ABCB1: variants seen among roughly 807,000 people sequenced by gnomAD.
The protein encoded by ABCB1 is ATP-dependent translocase ABCB1.
In ABCB1, 69 loss-of-function variants were observed where a neutral mutation model predicts 142.0. The observed-to-expected ratio is 0.49, with a 90% confidence interval of 0.40 to 0.59. ABCB1 has a LOEUF of 0.59. ABCB1 is among the 20% of genes least tolerant of loss of function. The probability of loss-of-function intolerance (pLI) is 0.00; values close to 1 mark genes in which losing one functional copy is unlikely to be tolerated. For synonymous variants in ABCB1, 532 were observed against 539.2 expected, an observed-to-expected ratio of 0.99 and a Z score of 0.18; for missense variants, 1,326 against 1,554.7, an observed-to-expected ratio of 0.85 and a Z score of 2.47.
intron 9 of ABCB1, among the ~76,000 whole-genome samples, chr7:87,551,577 A>C (rs190302160): frequency 6.6e-6 from 1 of 152,252 alleles, no homozygotes; most frequent in Admixed American, 6.5e-5. Context: ...CTGCAACTTC[A>C]ACCTCTGGGT....
rs1451637739 is a variant in ABCB1, at chr7:87,584,536, G to A, written c.286+976C>T. 3.9e-5 allele frequency among the ~76,000 whole-genome samples: 6 copies of A among 152,148 alleles called. No homozygotes were observed. The East Asian group carries it at 5.8e-4, about 15-fold the overall frequency. On this transcript the variant is annotated intron_variant, in intron 4 of 27. Transcript: ENST00000622132. ...GATATCAACCCATTCCTCCCCAATCGAGAAAGAGAGAGAGAGAGGGAGAGA... is the reference window on the plus strand; with the variant it reads ...GATATCAACCCATTCCTCCCCAATCAAGAAAGAGAGAGAGAGAGGGAGAGA...
In ABCB1 at chr7:87,519,473, AG is replaced by A. The variant is rs746958883; in HGVS notation, c.2787-8del. The A allele has an allele frequency of 1.9e-6, 3 of 1,614,010 alleles. No individual in the cohort carries two copies. The South Asian group carries it at 3.3e-5, about 18-fold the overall frequency. On this transcript the variant is annotated splice_polypyrimidine_tract_variant and splice_region_variant and intron_variant, in intron 22 of 27. Transcript: ENST00000622132. ...TGCTTTCCTCAAAGAGTTTCTGAAA[AG>A]AAGACATTTGAAAACTCATTCCACT...
chr7:87,684,551 A>G (rs1374984047), intron 1 of ABCB1, among the ~76,000 whole-genome samples: 1 of 152,086 alleles, frequency 6.6e-6, no homozygotes, highest in Non-Finnish European at 1.5e-5. Flanking sequence ...GATCGAGACC[A>G]TCCTGGCCAA....
intron 1 of ABCB1, among the ~76,000 whole-genome samples, chr7:87,621,403 A>G (rs981855987): frequency 6.6e-6 from 1 of 152,138 alleles, no homozygotes; most frequent in Non-Finnish European, 1.5e-5. Flanking sequence ...TCAGTGGGAA[A>G]GTATGCATTA....
chr7:87,600,149 C>G lies in ABCB1; in HGVS notation c.36G>C (p.Lys12Asn), dbSNP rs1430496324. 2 of 1,614,112 alleles carry G rather than the reference C, an allele frequency of 1.2e-6. No homozygotes were observed. The highest frequency in any genetic ancestry group is 1.7e-6 in the Non-Finnish European group (2 of 1,179,946). Residue 12 changes from lysine (K) to asparagine (N), a missense_variant, in exon 2 of 28, where the codon AAG (lysine) becomes AAC (asparagine). Physicochemically the swap from Lys to Asn is moderately conservative, Grantham distance 94 (BLOSUM62 0). Transcript: ENST00000622132. ...DLEGDRNGGA[K>N]KKNFFKLNNK... is the part of the protein sequence containing the mutation. ...TGTTCAGTTTAAAAAAGTTCTTCTT[C>G]TTTGCTCCTCCATTGCGGTCCCCTT...
chr7:87,600,163 T>TG lies in ABCB1; in HGVS notation c.21dup (p.Asn8GlnfsTer11). 1 of 1,614,148 alleles carries TG rather than the reference T, an allele frequency of 6.2e-7. No individual in the cohort carries two copies. Among genetic ancestry groups the TG allele is most frequent in the East Asian group, 2.2e-5 (1 of 44,886 alleles). On this transcript the variant is annotated frameshift_variant, in exon 2 of 28. Transcript: ENST00000622132. LOFTEE classifies it high-confidence loss of function. Reference sequence around the variant, plus strand: ...AAGTTCTTCTTCTTTGCTCCTCCATTGCGGTCCCCTTCAAGATCCATTCCG... The same window carrying TG: ...AAGTTCTTCTTCTTTGCTCCTCCATTGGCGGTCCCCTTCAAGATCCATTCCG...
intron 13 of ABCB1, 101 bp downstream of exon 13, chr7:87,549,750 T>A: frequency 1.4e-6 from 2 of 1,436,780 alleles, no homozygotes; most frequent in Non-Finnish European, 9.8e-7. Flanking sequence ...TTCTTAGGAT[T>A]TCCCTTCTTC....
chr7:87,587,569 C>T (rs1383415499), intron 3 of ABCB1, among the ~76,000 whole-genome samples: 1 of 152,064 alleles, frequency 6.6e-6, no homozygotes, highest in Non-Finnish European at 1.5e-5. Context: ...TTCCTTCCAG[C>T]TTTGAAAGTT....
At chr7:87,684,238 G>A (rs895624665) in intron 1 of ABCB1, among the ~76,000 whole-genome samples, 7 of 152,076 alleles carry the variant, frequency 4.6e-5, no homozygotes, top group East Asian at 1.9e-4. Context: ...TGGAAAACTC[G>A]TTGTTAAGAT....
In ABCB1 at chr7:87,632,967, G is replaced by C. The variant is rs544309543; in HGVS notation, c.-330-31889C>G. 3.3e-5 allele frequency among the ~76,000 whole-genome samples: 5 copies of C among 152,282 alleles called. No homozygotes were observed. In the East Asian group the frequency reaches 9.6e-4, roughly 29 times the overall value. Reference sequence around the variant, plus strand: ...GAGGGACTAATAAGAGGAATATAAGGAGTAGTGTGATAAGCACGGTGGAGA... The same window carrying C: ...GAGGGACTAATAAGAGGAATATAAGCAGTAGTGTGATAAGCACGGTGGAGA... On this transcript the variant is annotated intron_variant, in intron 1 of 28. Transcript: ENST00000265724.
At chr7:87,644,068 A>G (rs1822732587) in intron 1 of ABCB1, among the ~76,000 whole-genome samples, 1 of 152,134 alleles carries the variant, frequency 6.6e-6, no homozygotes, top group Non-Finnish European at 1.5e-5. Context: ...CATGTTGGCC[A>G]GGCTGGTCTC....
intron 25 of ABCB1, among the ~76,000 whole-genome samples, chr7:87,514,283 A>G (rs888856561): frequency 6.6e-6 from 1 of 152,184 alleles, no homozygotes; most frequent in Non-Finnish European, 1.5e-5. Flanking sequence ...ATTGTTAAGA[A>G]TTTTAAATAT....
intron 4 of ABCB1, among the ~76,000 whole-genome samples, chr7:87,579,386 G>A (rs1818411177): frequency 6.6e-6 from 1 of 152,076 alleles, no homozygotes. Flanking sequence ...TTTTGTTTAT[G>A]AATGTTCCTT....
At chr7:87,707,413 C>T (rs1226088437) in intron 1 of ABCB1, among the ~76,000 whole-genome samples, 1 of 152,098 alleles carries the variant, frequency 6.6e-6, no homozygotes, top group Non-Finnish European at 1.5e-5. Context: ...GGTGTGATGG[C>T]CTTTAATCCC....
chr7:87,548,032 A>G (rs1816864085), intron 14 of ABCB1, among the ~76,000 whole-genome samples: 1 of 147,914 alleles, frequency 6.8e-6, no homozygotes, highest in African/African-American at 2.5e-5. Context: ...AGAAAAGATA[A>G]GATAAGATAA....
chr7:87,593,538 C>G (rs931168983), intron 3 of ABCB1, among the ~76,000 whole-genome samples: 1 of 152,186 alleles, frequency 6.6e-6, no homozygotes, highest in Admixed American at 6.5e-5. Context: ...AAGGTTGGCC[C>G]TTGGCTGGAA....
chr7:87,629,643 T>C (rs1341421016), intron 1 of ABCB1, among the ~76,000 whole-genome samples: 3 of 152,058 alleles, frequency 2.0e-5, no homozygotes, highest in Non-Finnish European at 4.4e-5. Flanking sequence ...ATAATTACTA[T>C]TGGGCCGGGC....
intron 1 of ABCB1, among the ~76,000 whole-genome samples, chr7:87,670,141 A>G (rs1825682136): frequency 1.3e-5 from 2 of 152,154 alleles, no homozygotes; most frequent in Non-Finnish European, 2.9e-5. Context: ...ACATGATCCA[A>G]TACTTCTCAC....
intron 1 of ABCB1, among the ~76,000 whole-genome samples, chr7:87,643,760 C>G (rs1004932688): frequency 3.3e-5 from 5 of 152,068 alleles, no homozygotes; most frequent in African/African-American, 1.2e-4. Flanking sequence ...CTCCTGAGCT[C>G]AGGCAATCTG....
Sources: allele counts gnomAD v4.1 joint callset (sites outside exome capture counted in the v4.1 genomes callset), GRCh38; gene constraint gnomAD v4.1.1; transcripts MANE v1.5; gene names NCBI Gene and HGNC (gene_info 2026-07-23, HGNC 2026-07-21).